Variants in NPAS3 observed in about 807,000 individuals in gnomAD.
The protein encoded by NPAS3 is neuronal PAS domain protein 3, also known as neuronal PAS domain-containing protein 3.
In NPAS3, 14 loss-of-function variants were observed where a neutral mutation model predicts 73.1. That is an observed-to-expected ratio of 0.19 (90% CI 0.13 to 0.30). The LOEUF (loss-of-function observed/expected upper bound fraction) is 0.30. Ranked by LOEUF, NPAS3 falls within the 10% of genes least tolerant of loss-of-function variation. The probability of loss-of-function intolerance (pLI) is 1.00; values close to 1 mark genes in which losing one functional copy is unlikely to be tolerated. For missense variants in NPAS3, 1,096 were observed against 1,250.0 expected (o/e 0.88, Z 1.86); for synonymous variants, 620 against 541.5 (o/e 1.14, Z -2.01).
At chr14:33,629,145 G>A (rs1396153851) in intron 5 of NPAS3, among the ~76,000 whole-genome samples, 1 of 151,516 alleles carries the variant, frequency 6.6e-6, no homozygotes, top group Non-Finnish European at 1.5e-5. Flanking sequence ...TGAGGCAGGA[G>A]AATGGCGTGA....
chr14:33,545,936 TGC>T (rs2054822581), intron 4 of NPAS3, among the ~76,000 whole-genome samples: 5 of 152,192 alleles, frequency 3.3e-5, no homozygotes, highest in Admixed American at 3.3e-4. Flanking sequence ...CCACAGAATG[TGC>T]TCCTTAGCAA....
chr14:33,606,414 T>G (rs563043787), intron 5 of NPAS3, among the ~76,000 whole-genome samples: 3 of 152,088 alleles, frequency 2.0e-5, no homozygotes, highest in African/African-American at 7.2e-5. Context: ...CATCATTTTT[T>G]ATGGCTGCAT....
chr14:33,528,362 GGAA>G (rs566939486), intron 4 of NPAS3, among the ~76,000 whole-genome samples: 47 of 151,680 alleles, frequency 3.1e-4, no homozygotes, highest in Admixed American at 2.2e-3. Flanking sequence ...GGGGACAAAA[GGAA>G]GAAGAAGACA....
At chr14:33,465,303 A>G (rs530244550) in intron 4 of NPAS3, among the ~76,000 whole-genome samples, 2 of 152,280 alleles carry the variant, frequency 1.3e-5, no homozygotes, top group South Asian at 4.1e-4. Flanking sequence ...TTAAACACGT[A>G]ATTTTATTAA....
intron 3 of NPAS3, among the ~76,000 whole-genome samples, chr14:33,284,396 G>T (rs991331704): frequency 5.3e-5 from 8 of 151,834 alleles, no homozygotes; most frequent in African/African-American, 1.9e-4. Context: ...AAAATTTATA[G>T]GTAGAAGCAA....
chr14:32,935,095 A>G, upstream of NPAS3: 3 of 643,430 alleles, frequency 4.7e-6, no homozygotes, highest in Non-Finnish European at 6.2e-6. Flanking sequence ...CTTACAACAC[A>G]CATGCACATT....
At chr14:33,598,995 G>T (rs913248650) in intron 5 of NPAS3, among the ~76,000 whole-genome samples, 1 of 152,118 alleles carries the variant, frequency 6.6e-6, no homozygotes, top group Non-Finnish European at 1.5e-5. Flanking sequence ...ACATCCACTG[G>T]CTAGTTCAAA....
intron 1 of NPAS3, among the ~76,000 whole-genome samples, chr14:33,021,855 C>T (rs2039609538): frequency 6.6e-6 from 1 of 152,106 alleles, no homozygotes; most frequent in African/African-American, 2.4e-5. Flanking sequence ...GGTAATAGAA[C>T]AATAACTGTT....
intron 2 of NPAS3, among the ~76,000 whole-genome samples, chr14:33,063,764 C>T (rs907466403): frequency 2.6e-5 from 4 of 152,106 alleles, no homozygotes; most frequent in African/African-American, 9.7e-5. Context: ...GACTTCAGAA[C>T]CTAAGGTCTA....
chr14:33,216,728 C>G (rs2047237258), intron 3 of NPAS3, among the ~76,000 whole-genome samples: 1 of 152,124 alleles, frequency 6.6e-6, no homozygotes, highest in Non-Finnish European at 1.5e-5. Context: ...ACAAAATAGG[C>G]AGCAGCCACA....
At chr14:33,061,779 C>G (rs879782236) in intron 2 of NPAS3, among the ~76,000 whole-genome samples, 1 of 152,152 alleles carries the variant, frequency 6.6e-6, no homozygotes, top group South Asian at 2.1e-4. Context: ...TCTCTAGAAG[C>G]CTAGAAGACT....
chr14:33,384,195 A>G (rs2046676586), intron 4 of NPAS3, among the ~76,000 whole-genome samples: 1 of 152,144 alleles, frequency 6.6e-6, no homozygotes, highest in Admixed American at 6.5e-5. Flanking sequence ...ATAGCTAATA[A>G]AGGAGGGTCC....
intron 5 of NPAS3, among the ~76,000 whole-genome samples, chr14:33,633,027 T>C (rs139310346): frequency 2.0e-5 from 3 of 152,246 alleles, no homozygotes; most frequent in Admixed American, 6.5e-5. Context: ...AAAAATCCCG[T>C]AACAATAAAA....
Position 33,539,480 on chromosome 14 carries a change from G to T in NPAS3, c.469-20641G>T, listed in dbSNP as rs142952319. 1.5e-3 allele frequency among the ~76,000 whole-genome samples: 226 copies of T among 152,172 alleles called. 1 individual carries two copies. Among genetic ancestry groups the T allele is most frequent in the African/African-American group, 5.1e-3 (213 of 41,518 alleles). ...CAGTGTCTCATTTTCTGTATACCAA[G>T]CAGAGGTAGTGTTAGAATTAATTAA... On this transcript the variant is annotated intron_variant, in intron 4 of 11. Transcript: ENST00000356141.
chr14:33,792,659 G>A (rs1595625239), intron 9 of NPAS3, among the ~76,000 whole-genome samples: 1 of 151,972 alleles, frequency 6.6e-6, no homozygotes, highest in Admixed American at 6.5e-5. Context: ...GTAATTAAAT[G>A]GACAATATGA....
intron 4 of NPAS3, among the ~76,000 whole-genome samples, chr14:33,388,204 G>T (rs1432969607): frequency 6.6e-6 from 1 of 152,168 alleles, no homozygotes; most frequent in Non-Finnish European, 1.5e-5. Context: ...GTTGGCATTG[G>T]CATGATATTC....
At chr14:33,086,104 G>A (rs560824189) in intron 2 of NPAS3, among the ~76,000 whole-genome samples, 2 of 152,256 alleles carry the variant, frequency 1.3e-5, no homozygotes, top group Admixed American at 6.5e-5. Flanking sequence ...CACAGGATTG[G>A]ACATGTCATT....
At chr14:33,205,147 A>C (rs1566674939) in intron 2 of NPAS3, among the ~76,000 whole-genome samples, 1 of 152,184 alleles carries the variant, frequency 6.6e-6, no homozygotes, top group Admixed American at 6.5e-5. Flanking sequence ...CAGTTCATTC[A>C]GATTTGGATA....
At chr14:33,782,530 A>C (rs1371654069) in intron 9 of NPAS3, among the ~76,000 whole-genome samples, 2 of 152,204 alleles carry the variant, frequency 1.3e-5, no homozygotes, top group Non-Finnish European at 2.9e-5. Context: ...TGTGGGTCCA[A>C]TCAGCAACAA....
Sources: gnomAD v4.1 joint callset for allele counts (sites outside exome capture counted in the v4.1 genomes callset) on GRCh38, gnomAD v4.1.1 for gene constraint, MANE v1.5 for transcripts, NCBI Gene and HGNC (gene_info 2026-07-23, HGNC 2026-07-21) for gene names.